Variants in DSC1 observed in about 807,000 individuals in gnomAD.
DSC1 encodes the protein desmocollin 1, also known as desmocollin-1.
Under a neutral mutation model 98.8 loss-of-function variants are expected in DSC1, and 79 were observed. That is an observed-to-expected ratio of 0.80 (90% CI 0.67 to 0.96). The LOEUF (loss-of-function observed/expected upper bound fraction) is 0.96. DSC1 is among the 50% of genes least tolerant of loss of function. DSC1 has a pLI of 0.00. For missense variants in DSC1, 1,115 were observed against 1,075.9 expected, an observed-to-expected ratio of 1.04 and a Z score of -0.51; for synonymous variants, 405 against 372.1, an observed-to-expected ratio of 1.09 and a Z score of -1.02.
In DSC1 at chr18:31,139,734, A is replaced by G. The variant is rs765718498; in HGVS notation, c.1663+14T>C. 2 of 1,563,628 alleles carry G rather than the reference A, an allele frequency of 1.3e-6. No individual in the cohort carries two copies. Among genetic ancestry groups the G allele is most frequent in the Admixed American group, 2.0e-5 (1 of 49,208 alleles). ...TCATATATTTATATTTTATCTGTAGAAAATGGCACTCACCTGCATCCACTG... is the reference window on the plus strand; with the variant it reads ...TCATATATTTATATTTTATCTGTAGGAAATGGCACTCACCTGCATCCACTG... On this transcript the variant is annotated intron_variant, in intron 11 of 15. Coordinates refer to ENST00000257198, the MANE Select transcript of DSC1 (RefSeq NM_024421.2).
intron 3 of DSC1, 85 bp from the exon 4 acceptor site, chr18:31,156,247 G>T: frequency 1.3e-6 from 2 of 1,511,416 alleles, no homozygotes; most frequent in Non-Finnish European, 1.8e-6. Flanking sequence ...TCAACAAGCA[G>T]ATGTAAGGGT....
intron 11 of DSC1, among the ~76,000 whole-genome samples, 177 bp downstream of exon 11, chr18:31,139,571 T>C (rs1988684328): frequency 6.6e-6 from 1 of 152,160 alleles, no homozygotes; most frequent in African/African-American, 2.4e-5. Context: ...CACTACCTCA[T>C]AGCTTTGCAT....
At chr18:31,137,566 A>G (rs1335253545) in intron 11 of DSC1, among the ~76,000 whole-genome samples, 1 of 152,164 alleles carries the variant, frequency 6.6e-6, no homozygotes. Flanking sequence ...ACAAAGAAAA[A>G]GGGTCTTTAT....
chr18:31,156,614 T>C (rs779193510), intron 3 of DSC1, among the ~76,000 whole-genome samples: 5 of 152,234 alleles, frequency 3.3e-5, no homozygotes, highest in Non-Finnish European at 5.9e-5. Flanking sequence ...TTTTACAATG[T>C]GGATATAAAA....
At chr18:31,141,913 G>C in intron 9 of DSC1, 86 bp downstream of exon 9, 1 of 1,342,552 alleles carries the variant, frequency 7.4e-7, no homozygotes, top group East Asian at 2.4e-5. Flanking sequence ...CAGTAGTCTA[G>C]TCATATACAT....
chr18:31,130,401 A>G lies in DSC1; in HGVS notation c.*113T>C. 1.8e-6 allele frequency: 2 copies of G among 1,138,308 alleles called. No homozygotes were observed. Among genetic ancestry groups the G allele is most frequent in the Non-Finnish European group, 2.6e-6 (2 of 781,478 alleles). The allele number at this position is 1,138,308 out of a possible 1,614,324, so 70.5% of individuals were successfully genotyped here. A position where few individuals can be genotyped will look rare whatever the true frequency, so the allele number is the denominator to read the frequency against. On this transcript the variant is annotated 3_prime_UTR_variant, in exon 16 of 16. Coordinates refer to ENST00000257198, the MANE Select transcript of DSC1 (RefSeq NM_024421.2). ...TCATATTTATAGTACCCTTACCTATACATGACAAAGTTTACCTCCATAAAC... is the reference window on the plus strand; with the variant it reads ...TCATATTTATAGTACCCTTACCTATGCATGACAAAGTTTACCTCCATAAAC...
At position 31,155,403 on chromosome 18, in the gene DSC1, G is replaced by A. The variant is rs578195192; in HGVS notation, c.472-474C>T. 2.2e-4 allele frequency among the ~76,000 whole-genome samples: 33 copies of A among 152,260 alleles called. No homozygotes were observed. In the South Asian group the frequency reaches 5.4e-3, roughly 25 times the overall value. On this transcript the variant is annotated intron_variant, in intron 4 of 15. Transcript: ENST00000257198. ...CCAGCACTTTGGGAGGCCTAGGCAG[G>A]TGAATCACCTGAGATCAGGAGTTCA...
At position 31,134,015 on chromosome 18, in the gene DSC1, T is replaced by C. The variant is rs1441857230; in HGVS notation, c.1992A>G (p.Val664=). 1.2e-6 allele frequency: 2 copies of C among 1,613,324 alleles called. No individual in the cohort carries two copies. The highest frequency in any genetic ancestry group is 1.1e-5 in the South Asian group (1 of 91,072). ...ACTCAGATGGAGTTGAACAGTCACA[T>C]ACTCTCACTGTTAACATATGTGTTG... ...LVATHMLTVR[V]CDCSTPSECR... is the part of the protein sequence containing the mutation. The change falls in exon 13 of 16, where the codon GTA becomes GTG. Residue 664 remains valine, a synonymous_variant. Transcript: ENST00000257198.
chr18:31,136,683 C>G (rs1483638327), intron 11 of DSC1, among the ~76,000 whole-genome samples: 1 of 152,122 alleles, frequency 6.6e-6, no homozygotes, highest in Non-Finnish European at 1.5e-5. Flanking sequence ...AGCTGATGAG[C>G]TAAAAAATAT....
Position 31,133,920 on chromosome 18 carries a change from G to C in DSC1, c.2087C>G (p.Ala696Gly). ...TAACAATACAGAACCCAACACCATA[G>C]CAAGAATAGCCCATCTTCCAAGTAT... ...NVILGRWAIL[A>G]MVLGSVLLLC... The change falls in exon 13 of 16, where the codon GCT (alanine) becomes GGT (glycine). Residue 696 changes from alanine to glycine, a missense_variant. Ala to Gly is a moderately conservative substitution (Grantham distance 60). Transcript: ENST00000257198. 1 of 1,612,724 alleles carries C rather than the reference G, an allele frequency of 6.2e-7. No homozygotes were observed. Among genetic ancestry groups the C allele is most frequent in the Non-Finnish European group, 8.5e-7 (1 of 1,179,414 alleles).
chr18:31,158,141 C>T (rs7245261), intron 2 of DSC1, among the ~76,000 whole-genome samples: 76,678 of 151,712 alleles, frequency 0.51, 20,740 homozygotes, highest in East Asian at 0.66. Context: ...GTGGCGTGCA[C>T]CTGTAATTCC....
Position 31,162,756 on chromosome 18 carries a change from G to C in DSC1, c.-162C>G. 2 of 607,132 alleles carry C rather than the reference G, an allele frequency of 3.3e-6. No individual in the cohort carries two copies. Among genetic ancestry groups the C allele is most frequent in the Non-Finnish European group, 5.9e-6 (2 of 337,138 alleles). 37.6% of individuals were successfully genotyped at this position (607,132 alleles called of 1,614,324 possible). A position where few individuals can be genotyped will look rare whatever the true frequency, so the allele number is the denominator to read the frequency against. On this transcript the variant is annotated 5_prime_UTR_variant, in exon 1 of 16. Coordinates refer to ENST00000257198, the MANE Select transcript of DSC1 (RefSeq NM_024421.2). Reference sequence around the variant, plus strand: ...ACAGTCCGGAGGCAAGTGATAAACAGTAGGAGGAGCAACGGGAGAATTTCT... The same window carrying C: ...ACAGTCCGGAGGCAAGTGATAAACACTAGGAGGAGCAACGGGAGAATTTCT...
In DSC1 at chr18:31,133,982, C is replaced by T. The variant is rs771370816; in HGVS notation, c.2025G>A (p.Met675Ile). 25 of 1,613,274 alleles carry T rather than the reference C, an allele frequency of 1.5e-5. No homozygotes were observed. In the African/African-American group the frequency reaches 3.2e-4, roughly 21 times the overall value. ...CDCSTPSECR[M>I]KDKSTRDVRP... is the part of the protein sequence containing the mutation. ...TAACGTCTCTTGTACTTTTATCCTT[C>T]ATTCTACACTCAGATGGAGTTGAAC... Residue 675 changes from methionine to isoleucine, a missense_variant, in exon 13 of 16, where the codon ATG (methionine) becomes ATA (isoleucine). Coordinates refer to ENST00000257198, the MANE Select transcript of DSC1 (RefSeq NM_024421.2).
Position 31,162,466 on chromosome 18 carries a change from C to T in DSC1, c.63+66G>A. 3 of 1,520,988 alleles carry T rather than the reference C, an allele frequency of 2.0e-6. 1 individual carries two copies. Among genetic ancestry groups the T allele is most frequent in the Non-Finnish European group, 2.7e-6 (3 of 1,096,766 alleles). 94.2% of individuals were successfully genotyped at this position (1,520,988 alleles called of 1,614,324 possible). A position where few individuals can be genotyped will look rare whatever the true frequency, so the allele number is the denominator to read the frequency against. ...TCCTCACTCCTAGTCTCTTTCAAGC[C>T]CAAACTGCAGAGAGGAAGCAGGTAG... On this transcript the variant is annotated intron_variant, in intron 1 of 15. Transcript: ENST00000257198.
rs1462792944 is a variant in DSC1, at chr18:31,129,715, T to C, written c.*799A>G. On this transcript the variant is annotated 3_prime_UTR_variant, in exon 16 of 16. Transcript: ENST00000257198. ...TTAAAATGTTAGTAGTAAACCATGTTGAGCAAACGAAACATATTTGTGAGC... is the reference window on the plus strand; with the variant it reads ...TTAAAATGTTAGTAGTAAACCATGTCGAGCAAACGAAACATATTTGTGAGC... The C allele has an allele frequency of 6.6e-6, 1 of 152,192 alleles. No homozygotes were observed. The highest frequency in any genetic ancestry group is 2.4e-5 in the African/African-American group (1 of 41,442). The allele number at this position is 152,192 out of a possible 1,614,324, so 9.4% of individuals were successfully genotyped here.
At chr18:31,145,430 A>G (rs1392057972) in intron 7 of DSC1, among the ~76,000 whole-genome samples, 181 bp downstream of exon 7, 2 of 152,200 alleles carry the variant, frequency 1.3e-5, no homozygotes, top group East Asian at 3.9e-4. Context: ...GGCCCTGTCT[A>G]ATATATGGTA....
intron 5 of DSC1, among the ~76,000 whole-genome samples, chr18:31,154,500 A>G (rs9966272): frequency 0.068 from 10,281 of 152,186 alleles, 496 homozygotes; most frequent in East Asian, 0.15. Flanking sequence ...AAATTCAGTA[A>G]AACTCTTTGT....
In DSC1 at chr18:31,134,052, T is replaced by A; in HGVS notation, c.1955A>T (p.His652Leu). The A allele has an allele frequency of 6.2e-7, 1 of 1,612,382 alleles. No individual in the cohort carries two copies. The highest frequency in any genetic ancestry group is 1.1e-5 in the South Asian group (1 of 91,062). ...TAACATATGTGTTGCAACTAAACCATGCCTGTCTTTTATTTGAATAGGCAC... is the reference window on the plus strand; with the variant it reads ...TAACATATGTGTTGCAACTAAACCAAGCCTGTCTTTTATTTGAATAGGCAC... ...YSVPIQIKDRHGLVATHMLTV... is the reference protein window; with the variant it reads ...YSVPIQIKDRLGLVATHMLTV... Residue 652 changes from histidine (H) to leucine (L), a missense_variant, in exon 13 of 16, where the codon CAT becomes CTT. By Grantham distance (99) the His-to-Leu change is moderately conservative. Transcript: ENST00000257198.
chr18:31,145,674 C>T lies in DSC1; in HGVS notation c.876G>A (p.Lys292=). The change falls in exon 7 of 16, where the codon AAG becomes AAA. Residue 292 remains lysine, a synonymous_variant. Coordinates refer to ENST00000257198, the MANE Select transcript of DSC1 (RefSeq NM_024421.2). ...CGGTATCTGGGTGTATGGAGAAATG[C>T]TTTGGATGATCTGGGATTTGTTGTA... ...KILQQIPDHP[K]HFSIHPDTGV... 3 of 1,614,190 alleles carry T rather than the reference C, an allele frequency of 1.9e-6. No individual in the cohort carries two copies. The highest frequency in any genetic ancestry group is 1.7e-6 in the Non-Finnish European group (2 of 1,180,028).
Sources: gnomAD v4.1 joint callset for allele counts (sites outside exome capture counted in the v4.1 genomes callset) on GRCh38, gnomAD v4.1.1 for gene constraint, MANE v1.5 for transcripts, NCBI Gene and HGNC (gene_info 2026-07-23, HGNC 2026-07-21) for gene names.